The following DBF4 variants were observed in gnomAD, a reference collection of about 807,000 sequenced individuals.
DBF4 encodes the protein protein DBF4 homolog A.
Under a neutral mutation model 76.6 loss-of-function variants are expected in DBF4, and 25 were observed. That is an observed-to-expected ratio of 0.33 (90% CI 0.24 to 0.46). The LOEUF (loss-of-function observed/expected upper bound fraction) is 0.46. Ranked by LOEUF, DBF4 falls within the 20% of genes least tolerant of loss-of-function variation. The pLI is 1.00. For missense variants in DBF4, 638 were observed against 760.8 expected (o/e 0.84, Z 1.90); for synonymous variants, 213 against 258.0 (o/e 0.83, Z 1.67).
intron 6 of DBF4, among the ~76,000 whole-genome samples, chr7:87,894,697 A>G (rs1839587924): frequency 6.6e-6 from 1 of 152,166 alleles, no homozygotes; most frequent in Non-Finnish European, 1.5e-5. Context: ...ATGAATTGAG[A>G]GTTCTTTGTC....
At chr7:87,877,921 A>C in intron 1 of DBF4, 132 bp from the exon 2 acceptor site, 1 of 757,366 alleles carries the variant, frequency 1.3e-6, no homozygotes, top group Non-Finnish European at 2.0e-6. Flanking sequence ...CTACAAAGAA[A>C]TACATTTCAA....
At chr7:87,903,240 G>A (rs533005013) in intron 10 of DBF4, among the ~76,000 whole-genome samples, 2 of 152,200 alleles carry the variant, frequency 1.3e-5, no homozygotes, top group East Asian at 1.9e-4. Flanking sequence ...GCGCCACCAC[G>A]CCTGGCTAAT....
intron 6 of DBF4, 47 bp downstream of exon 6, chr7:87,888,106 T>A (rs953400947): frequency 1.3e-6 from 2 of 1,515,470 alleles, no homozygotes; most frequent in Admixed American, 2.4e-5. Context: ...TTGGTTTTTT[T>A]ACTTACGTAT....
intron 2 of DBF4, among the ~76,000 whole-genome samples, chr7:87,882,124 A>G (rs1411504668): frequency 2.0e-5 from 3 of 152,214 alleles, no homozygotes; most frequent in African/African-American, 7.2e-5. Context: ...GTACTAACAT[A>G]AGAACAGACA....
chr7:87,902,597 C>T (rs561859535), intron 10 of DBF4, among the ~76,000 whole-genome samples: 13 of 152,160 alleles, frequency 8.5e-5, no homozygotes, highest in Non-Finnish European at 1.5e-4. Context: ...ACACAGGTGA[C>T]GCTTTAAATT....
Position 87,887,410 on chromosome 7 carries a change from A to C in DBF4, c.520+12A>C. On this transcript the variant is annotated intron_variant, in intron 5 of 11. Coordinates refer to ENST00000265728, the MANE Select transcript of DBF4 (RefSeq NM_006716.4). The stretch of plus-strand genomic sequence containing the variant: ...TCTTCATATTGATGGTAAGGATTTT[A>C]TAATTGTTTTTTGACAGTATTTGTT... 6.4e-7 allele frequency: 1 copy of C among 1,561,878 alleles called. No individual in the cohort carries two copies. Among genetic ancestry groups the C allele is most frequent in the Non-Finnish European group, 8.7e-7 (1 of 1,146,468 alleles).
chr7:87,890,912 T>G (rs1839469150), intron 6 of DBF4, among the ~76,000 whole-genome samples: 1 of 152,230 alleles, frequency 6.6e-6, no homozygotes, highest in Non-Finnish European at 1.5e-5. Context: ...TATATCTGGT[T>G]GAATTGATAC....
chr7:87,908,573 A>G lies in DBF4; in HGVS notation c.*410A>G, dbSNP rs115288203. ...TTGAAAAACCTAAATTTCATACAGA[A>G]AGGAAAAATACATTTCTATGCTTGA... On this transcript the variant is annotated 3_prime_UTR_variant, in exon 12 of 12. Coordinates refer to ENST00000265728, the MANE Select transcript of DBF4 (RefSeq NM_006716.4). The G allele has an allele frequency of 0.011, 1,746 of 154,420 alleles. 42 individuals carry two copies. Among genetic ancestry groups the G allele is most frequent in the African/African-American group, 0.04 (1,651 of 41,590 alleles). The allele number at this position is 154,420 out of a possible 1,614,324, so 9.6% of individuals were successfully genotyped here.
intron 7 of DBF4, 125 bp downstream of exon 7, chr7:87,896,635 T>C (rs956030135): frequency 7.8e-5 from 62 of 799,052 alleles, no homozygotes; most frequent in Middle Eastern, 7.3e-4. Context: ...TTATAGAACA[T>C]AGATCCTTGG....
intron 4 of DBF4, 84 bp downstream of exon 4, chr7:87,886,978 CT>C: frequency 3.0e-6 from 3 of 997,398 alleles, no homozygotes; most frequent in Non-Finnish European, 4.5e-6. Context: ...TGAAATTTTC[CT>C]TTCCACATTT....
In DBF4 at chr7:87,908,023, T is replaced by C. The variant is rs1454129813; in HGVS notation, c.1885T>C (p.Ser629Pro). Residue 629 changes from serine (S) to proline (P), a missense_variant, in exon 12 of 12, where the codon TCA becomes CCA. Physicochemically the swap from Ser to Pro is moderately conservative, Grantham distance 74 (BLOSUM62 -1). Transcript: ENST00000265728. ...CTTGTTTCAGACTAGTGAAGAGAAA[T>C]CAGAATTTTTGGGTTTCACAAGCTA... Reference protein sequence around the residue: ...LDLFQTSEEKSEFLGFTSYTE... With the variant: ...LDLFQTSEEKPEFLGFTSYTE... 10 of 1,613,664 alleles carry C rather than the reference T, an allele frequency of 6.2e-6. No individual in the cohort carries two copies. The East Asian group carries it at 2.0e-4, about 32-fold the overall frequency.
At chr7:87,904,141 G>A (rs1189084394) in intron 10 of DBF4, 151 bp from the exon 11 acceptor site, 4 of 658,002 alleles carry the variant, frequency 6.1e-6, no homozygotes, top group South Asian at 3.2e-5. Context: ...TATTTTAAAC[G>A]TCTTTTGAAG....
intron 6 of DBF4, among the ~76,000 whole-genome samples, chr7:87,894,650 T>C (rs116037130): frequency 0.011 from 1,748 of 152,308 alleles, 41 homozygotes; most frequent in African/African-American, 0.04. Flanking sequence ...CTCTGAGATA[T>C]CCTTCATGTG....
rs541648688 is a variant in DBF4, at chr7:87,882,317, G to A, written c.220-2662G>A. ...AAGTTGGACCTTTACTGTCATATGC[G>A]TAAATGAGCTCAAAATGGATCTAAG... On this transcript the variant is annotated intron_variant, in intron 2 of 11. Transcript: ENST00000265728. Among the ~76,000 whole-genome samples the A allele has an allele frequency of 3.9e-5, 6 of 152,234 alleles. No individual in the cohort carries two copies. The South Asian group carries it at 8.3e-4, about 21-fold the overall frequency.
chr7:87,905,538 T>A (rs1262339539), intron 11 of DBF4, among the ~76,000 whole-genome samples: 1 of 152,226 alleles, frequency 6.6e-6, no homozygotes, highest in Non-Finnish European at 1.5e-5. Context: ...GTGAATACAG[T>A]ACTGCTCAAT....
rs750605097 is a variant in DBF4, at chr7:87,888,055, A to C, written c.593A>C (p.Asp198Ala). Residue 198 changes from aspartate (D) to alanine (A), a missense_variant, in exon 6 of 12, where the codon GAT (aspartate) becomes GCT (alanine). Asp to Ala is a moderately radical substitution (Grantham distance 126). Transcript: ENST00000265728. ...LLKKSSTSVR[D>A]GGKRVGSGAQ... is the part of the protein sequence containing the mutation. ...AAGAAATCAAGTACTTCAGTAAGAG[A>C]TGGGGTATGTTTTCTTTTTCAATTT... The C allele has an allele frequency of 1.3e-6, 2 of 1,555,264 alleles. No homozygotes were observed. The highest frequency in any genetic ancestry group is 1.7e-6 in the Non-Finnish European group (2 of 1,155,922).
intron 2 of DBF4, among the ~76,000 whole-genome samples, chr7:87,879,926 A>G (rs1483469563): frequency 6.7e-6 from 1 of 149,974 alleles, no homozygotes; most frequent in Non-Finnish European, 1.5e-5. Context: ...GTACCCCAGT[A>G]TGAGTGACAG....
intron 6 of DBF4, among the ~76,000 whole-genome samples, chr7:87,894,735 G>A (rs1399959729): frequency 6.6e-6 from 1 of 152,174 alleles, no homozygotes; most frequent in Non-Finnish European, 1.5e-5. Flanking sequence ...TCCTAAAACT[G>A]TCTTCTGGTC....
chr7:87,883,444 AGT>A (rs1482527572), intron 2 of DBF4, among the ~76,000 whole-genome samples: 2 of 152,200 alleles, frequency 1.3e-5, no homozygotes, highest in East Asian at 3.8e-4. Context: ...TCACAATAAA[AGT>A]GTATAGGAGA....
Sources: allele counts gnomAD v4.1 joint callset (sites outside exome capture counted in the v4.1 genomes callset), GRCh38; gene constraint gnomAD v4.1.1; transcripts MANE v1.5; gene names NCBI Gene and HGNC (gene_info 2026-07-23, HGNC 2026-07-21).